The following CCSER1 variants were observed in gnomAD, a reference collection of about 807,000 sequenced individuals.
The protein encoded by CCSER1 is serine-rich coiled-coil domain-containing protein 1.
Under a neutral mutation model 82.0 loss-of-function variants are expected in CCSER1, and 41 were observed. The observed-to-expected ratio is 0.50, with a 90% CI of 0.39 to 0.65. The LOEUF (loss-of-function observed/expected upper bound fraction) is 0.65, where lower values mean the gene tolerates loss of function less well. Among genes scored for constraint, CCSER1 ranks in the 30% least tolerant of loss-of-function variants. The pLI is 0.00. For missense variants in CCSER1, 1,119 were observed against 1,064.2 expected (o/e 1.05, Z -0.72); for synonymous variants, 414 against 383.9 (o/e 1.08, Z -0.92).
chr4:90,979,700 A>G (rs1735933547), intron 9 of CCSER1, among the ~76,000 whole-genome samples: 1 of 151,822 alleles, frequency 6.6e-6, no homozygotes, highest in Non-Finnish European at 1.5e-5. Flanking sequence ...TTTAAATATC[A>G]AAGTGATTGT....
intron 6 of CCSER1, among the ~76,000 whole-genome samples, chr4:90,645,576 A>C (rs7694165): frequency 0.53 from 80,754 of 151,942 alleles, 21,642 homozygotes; most frequent in African/African-American, 0.58. Context: ...CTGTTGTTTA[A>C]ATTGTATTAT....
At chr4:90,330,959 G>A (rs1472717012) in intron 3 of CCSER1, among the ~76,000 whole-genome samples, 1 of 151,940 alleles carries the variant, frequency 6.6e-6, no homozygotes, top group East Asian at 1.9e-4. Context: ...TAATTTTTAG[G>A]AAATCAGAAC....
chr4:91,485,953 A>G (rs1266001712), intron 10 of CCSER1, among the ~76,000 whole-genome samples: 2 of 152,088 alleles, frequency 1.3e-5, no homozygotes, highest in Non-Finnish European at 2.9e-5. Context: ...GGTCCTCAGT[A>G]TGTAGGAAAA....
At chr4:90,735,065 C>A (rs146155665) in intron 7 of CCSER1, among the ~76,000 whole-genome samples, 86 of 152,158 alleles carry the variant, frequency 5.7e-4, no homozygotes, top group African/African-American at 2.0e-3. Context: ...GCTTTTTCAG[C>A]ATCTATTAAA....
intron 9 of CCSER1, among the ~76,000 whole-genome samples, chr4:91,034,107 A>C (rs150202993): frequency 2.3e-3 from 351 of 152,296 alleles, no homozygotes; most frequent in African/African-American, 7.0e-3. Context: ...TTACTGTCTC[A>C]ATCATTTTAG....
At chr4:90,371,461 C>T (rs904702059) in intron 3 of CCSER1, among the ~76,000 whole-genome samples, 2 of 151,510 alleles carry the variant, frequency 1.3e-5, no homozygotes, top group Admixed American at 6.6e-5. Context: ...TGTGAGATAA[C>T]ATCATTATTC....
chr4:91,551,308 T>A (rs879761520), intron 10 of CCSER1, among the ~76,000 whole-genome samples: 7 of 152,150 alleles, frequency 4.6e-5, no homozygotes, highest in Admixed American at 6.5e-5. Context: ...TTTCTTTAAA[T>A]GTTTACAGTT....
chr4:90,178,345 A>G (rs919784483), intron 1 of CCSER1, among the ~76,000 whole-genome samples: 2 of 152,118 alleles, frequency 1.3e-5, no homozygotes, highest in Non-Finnish European at 2.9e-5. Flanking sequence ...GTTTTGGTAA[A>G]TGGAAACAAT....
intron 1 of CCSER1, among the ~76,000 whole-genome samples, chr4:90,271,862 A>ATATATATATATATATATT (rs1553982816): frequency 4.6e-5 from 1 of 21,760 alleles, no homozygotes; most frequent in African/African-American, 2.6e-4. Context: ...ATATATATAT[A>ATATATATATATATATATT]TTTTTTTTTT....
rs149105406 is a variant in CCSER1 at position 90,532,365 on chromosome 4, T to A, written c.1724+64011T>A. ...ATTTGCCATCTTAAACACTTCTTTTTCTTTGGCTTCTGTGATTCCATATTT... is the reference window on the plus strand; with the variant it reads ...ATTTGCCATCTTAAACACTTCTTTTACTTTGGCTTCTGTGATTCCATATTT... On this transcript the variant is annotated intron_variant, in intron 5 of 10. Coordinates refer to ENST00000509176, the MANE Select transcript of CCSER1 (RefSeq NM_001145065.2). Among the ~76,000 whole-genome samples the A allele has an allele frequency of 8.0e-3, 1,220 of 152,186 alleles. 8 individuals carry two copies. Among genetic ancestry groups the A allele is most frequent in the South Asian group, 0.021 (103 of 4,822 alleles).
At chr4:90,386,112 C>A (rs1039724940) in intron 3 of CCSER1, among the ~76,000 whole-genome samples, 2 of 152,128 alleles carry the variant, frequency 1.3e-5, no homozygotes, top group Non-Finnish European at 2.9e-5. Context: ...AATGCAATTT[C>A]TATCAAAATA....
chr4:91,339,716 T>C (rs1747575180), intron 10 of CCSER1, among the ~76,000 whole-genome samples: 1 of 152,174 alleles, frequency 6.6e-6, no homozygotes, highest in African/African-American at 2.4e-5. Flanking sequence ...TCTCCCCCTC[T>C]TCTCTGTAGG....
intron 5 of CCSER1, among the ~76,000 whole-genome samples, chr4:90,524,875 T>TC (rs1042000967): frequency 2.0e-5 from 3 of 152,106 alleles, no homozygotes; most frequent in African/African-American, 7.2e-5. Flanking sequence ...CACCTTTTTT[T>TC]CAATCAATCA....
chr4:90,276,412 T>C lies in CCSER1; in HGVS notation c.-41-31832T>C, dbSNP rs151154438. Among the ~76,000 whole-genome samples the C allele has an allele frequency of 9.6e-3, 1,435 of 149,106 alleles. 24 individuals carry two copies. The highest frequency in any genetic ancestry group is 0.029 in the African/African-American group (1,154 of 40,144). ...CCCAGGCTGGAGTGCAGTGGCACGATCTCTGCTCACTGCAACCTTCACCTC... is the reference window on the plus strand; with the variant it reads ...CCCAGGCTGGAGTGCAGTGGCACGACCTCTGCTCACTGCAACCTTCACCTC... On this transcript the variant is annotated intron_variant, in intron 1 of 10. Coordinates refer to ENST00000509176, the MANE Select transcript of CCSER1 (RefSeq NM_001145065.2).
At chr4:91,235,492 T>C (rs970010889) in intron 10 of CCSER1, among the ~76,000 whole-genome samples, 2 of 152,184 alleles carry the variant, frequency 1.3e-5, no homozygotes, top group Non-Finnish European at 2.9e-5. Context: ...TTTATAAAAT[T>C]GTGGACAAAG....
At chr4:90,580,095 G>T (rs988306255) in intron 5 of CCSER1, among the ~76,000 whole-genome samples, 4 of 152,112 alleles carry the variant, frequency 2.6e-5, no homozygotes, top group Non-Finnish European at 4.4e-5. Context: ...TAGATTTCCT[G>T]ATGAATGATA....
At chr4:91,323,898 A>G (rs974767784) in intron 10 of CCSER1, among the ~76,000 whole-genome samples, 2 of 152,188 alleles carry the variant, frequency 1.3e-5, no homozygotes, top group East Asian at 1.9e-4. Context: ...CTGTTTCTGC[A>G]TCTCTGAAAT....
chr4:91,567,636 C>T (rs535550632), intron 10 of CCSER1, among the ~76,000 whole-genome samples: 53 of 152,058 alleles, frequency 3.5e-4, no homozygotes, highest in African/African-American at 1.3e-3. Flanking sequence ...ATGTAATGCC[C>T]TTTGGGTTTT....
In CCSER1 at chr4:90,580,670, G is replaced by A. The variant is rs6842528; in HGVS notation, c.1725-47355G>A. 9.4e-3 allele frequency among the ~76,000 whole-genome samples: 1,428 copies of A among 152,280 alleles called. 25 individuals are homozygous for A. The highest frequency in any genetic ancestry group is 0.033 in the African/African-American group (1,351 of 41,556). On this transcript the variant is annotated intron_variant, in intron 5 of 10. Coordinates refer to ENST00000509176, the MANE Select transcript of CCSER1 (RefSeq NM_001145065.2). Reference sequence around the variant, plus strand: ...GACAGCCTTTTCCTGGGAATATGCAGGGTCTGAGCAACTTTGGTCTGTTGA... The same window carrying A: ...GACAGCCTTTTCCTGGGAATATGCAAGGTCTGAGCAACTTTGGTCTGTTGA...
Sources: gnomAD v4.1 joint callset for allele counts (sites outside exome capture counted in the v4.1 genomes callset) on GRCh38, gnomAD v4.1.1 for gene constraint, MANE v1.5 for transcripts, NCBI Gene and HGNC (gene_info 2026-07-23, HGNC 2026-07-21) for gene names.